The following SAMD12 variants were observed in gnomAD, a reference collection of about 807,000 sequenced individuals.
SAMD12 encodes sterile alpha motif domain-containing protein 12.
SAMD12 carries 9 observed loss-of-function variants against 15.0 expected under a neutral mutation model. The observed-to-expected ratio is 0.60, with a 90% CI of 0.36 to 1.05. The LOEUF (loss-of-function observed/expected upper bound fraction) is 1.05, where lower values mean the gene tolerates loss of function less well. Ranked by LOEUF, SAMD12 falls within the 50% of genes least tolerant of loss-of-function variation. SAMD12 has a pLI of 0.01. For synonymous variants in SAMD12, 86 were observed against 90.1 expected (o/e 0.96, Z 0.25); for missense variants, 230 against 234.2 (o/e 0.98, Z 0.12).
chr8:118,447,319 T>C (rs997108313), intron 2 of SAMD12, among the ~76,000 whole-genome samples: 1 of 152,136 alleles, frequency 6.6e-6, no homozygotes, highest in Admixed American at 6.5e-5. Context: ...TTTTTCTTTT[T>C]TGAGACTGAG....
At chr8:118,559,371 C>T (rs901184709) in intron 2 of SAMD12, among the ~76,000 whole-genome samples, 1 of 152,220 alleles carries the variant, frequency 6.6e-6, no homozygotes, top group African/African-American at 2.4e-5. Context: ...CCACCTCCAA[C>T]CACAAATGAG....
At chr8:118,215,129 G>T (rs1388643274) in intron 4 of SAMD12, among the ~76,000 whole-genome samples, 1 of 152,124 alleles carries the variant, frequency 6.6e-6, no homozygotes, top group Non-Finnish European at 1.5e-5. Context: ...TTAGGCTCTG[G>T]CAATTTTAAT....
In SAMD12 at chr8:118,511,022, A is replaced by G. The variant is rs182868129; in HGVS notation, c.192+69693T>C. ...ACTGACTGTGACAGTCTGGGATATT[A>G]TATTTTTCTTCACAAAGAACCTCCT... On this transcript the variant is annotated intron_variant, in intron 2 of 3. Coordinates refer to ENST00000314727, the MANE Select transcript of SAMD12 (RefSeq NM_207506.3). Among the ~76,000 whole-genome samples the G allele has an allele frequency of 2.4e-3, 362 of 152,332 alleles. 6 individuals carry two copies. Among genetic ancestry groups the G allele is most frequent in the African/African-American group, 8.4e-3 (348 of 41,574 alleles).
chr8:118,250,948 CTA>C (rs1012998037), intron 4 of SAMD12, among the ~76,000 whole-genome samples: 6 of 152,096 alleles, frequency 3.9e-5, no homozygotes, highest in African/African-American at 1.4e-4. Context: ...TTACCTTGTC[CTA>C]TAGTGTTCTA....
At chr8:118,361,993 T>C (rs925590345) in intron 4 of SAMD12, among the ~76,000 whole-genome samples, 1 of 151,966 alleles carries the variant, frequency 6.6e-6, no homozygotes, top group Non-Finnish European at 1.5e-5. Flanking sequence ...CTAAAACAAA[T>C]GATTGTCCCT....
At chr8:118,238,616 A>T (rs1054175307) in intron 4 of SAMD12, among the ~76,000 whole-genome samples, 1 of 152,188 alleles carries the variant, frequency 6.6e-6, no homozygotes, top group African/African-American at 2.4e-5. Context: ...TATATCATTC[A>T]TCTAGTCAAC....
intron 3 of SAMD12, among the ~76,000 whole-genome samples, chr8:118,428,167 C>G (rs559574625): frequency 6.6e-6 from 1 of 152,088 alleles, no homozygotes; most frequent in East Asian, 1.9e-4. Flanking sequence ...TATACAAGTT[C>G]TTTTTTAGAT....
At chr8:118,284,963 A>AG (rs1554622374) in intron 4 of SAMD12, 1 of 144,370 alleles carries the variant, frequency 6.9e-6, no homozygotes, top group Non-Finnish European at 1.5e-5. Context: ...AAAAAAAAAA[A>AG]GAAGAAGAAG....
At chr8:118,386,684 G>A (rs765594654) in intron 3 of SAMD12, among the ~76,000 whole-genome samples, 1 of 152,190 alleles carries the variant, frequency 6.6e-6, no homozygotes, top group Non-Finnish European at 1.5e-5. Flanking sequence ...AGAGACTTAG[G>A]TCTAGACCAT....
intron 1 of SAMD12, among the ~76,000 whole-genome samples, chr8:118,591,115 C>G (rs184379780): frequency 2.2e-4 from 34 of 152,212 alleles, no homozygotes; most frequent in Admixed American, 7.2e-4. Flanking sequence ...TTACATGATA[C>G]AAGCATCAAA....
chr8:118,372,824 G>A (rs538429497), intron 4 of SAMD12, among the ~76,000 whole-genome samples: 1 of 152,076 alleles, frequency 6.6e-6, no homozygotes, highest in African/African-American at 2.4e-5. Flanking sequence ...AATACATTTA[G>A]TGGAATACTC....
At chr8:118,424,337 CAAT>C (rs1031654454) in intron 3 of SAMD12, among the ~76,000 whole-genome samples, 2 of 152,060 alleles carry the variant, frequency 1.3e-5, no homozygotes, top group African/African-American at 4.8e-5. Context: ...AACTACGGAT[CAAT>C]AATAATAGCC....
chr8:118,369,365 T>G (rs181860532), intron 4 of SAMD12, among the ~76,000 whole-genome samples: 185 of 152,144 alleles, frequency 1.2e-3, no homozygotes, highest in Non-Finnish European at 2.3e-3. Context: ...ATGCAGAAAA[T>G]TGAAACTGGA....
intron 2 of SAMD12, among the ~76,000 whole-genome samples, chr8:118,465,152 A>G (rs1255699595): frequency 6.6e-6 from 1 of 152,166 alleles, no homozygotes; most frequent in Non-Finnish European, 1.5e-5. Flanking sequence ...CAACCAAATT[A>G]AATCAGAATC....
At chr8:118,360,408 G>T (rs1818434220) in intron 4 of SAMD12, among the ~76,000 whole-genome samples, 1 of 151,862 alleles carries the variant, frequency 6.6e-6, no homozygotes. Flanking sequence ...GAAAACAAAA[G>T]AATGGTTTAT....
chr8:118,463,870 A>AGGC (rs1563875905), intron 2 of SAMD12, among the ~76,000 whole-genome samples: 4 of 151,992 alleles, frequency 2.6e-5, no homozygotes, highest in Non-Finnish European at 5.9e-5. Context: ...CAGGAGGAGG[A>AGGC]GGGAAAAGTA....
At chr8:118,422,620 T>C (rs1822049739) in intron 3 of SAMD12, among the ~76,000 whole-genome samples, 1 of 152,302 alleles carries the variant, frequency 6.6e-6, no homozygotes, top group Middle Eastern at 3.4e-3. Context: ...CGTTATTCAG[T>C]AGGCATTAAT....
At position 118,312,656 on chromosome 8, in the gene SAMD12, A is replaced by C. The variant is rs199976591; in HGVS notation, c.433+66904T>G. 2.6e-5 allele frequency among the ~76,000 whole-genome samples: 4 copies of C among 152,198 alleles called. No individual in the cohort carries two copies. In the East Asian group the frequency reaches 7.7e-4, roughly 29 times the overall value. On this transcript the variant is annotated intron_variant, in intron 4 of 4. Coordinates refer to the SAMD12 transcript ENST00000409003. ...TTTTATTAAACCACTTGTAGAGTGA[A>C]TATCCATGCAGGACAGGCTCTCTGT...
chr8:118,391,459 A>C (rs1260933922), intron 3 of SAMD12, among the ~76,000 whole-genome samples: 1 of 152,208 alleles, frequency 6.6e-6, no homozygotes, highest in East Asian at 1.9e-4. Flanking sequence ...TTAATTGCCA[A>C]GAAGCATTAA....
Sources: allele counts gnomAD v4.1 joint callset (sites outside exome capture counted in the v4.1 genomes callset), GRCh38; gene constraint gnomAD v4.1.1; transcripts MANE v1.5; gene names NCBI Gene and HGNC (gene_info 2026-07-23, HGNC 2026-07-21).